LRP1B: variants seen among roughly 807,000 people sequenced by gnomAD.
The protein encoded by LRP1B is LDL receptor related protein 1B.
Under a neutral mutation model 556.6 loss-of-function variants are expected in LRP1B, and 217 were observed. The observed-to-expected ratio is 0.39, with a 90% CI of 0.35 to 0.44. The LOEUF is 0.44. Among genes scored for constraint, LRP1B ranks in the 20% least tolerant of loss-of-function variants. LRP1B has a pLI of 1.00. For missense variants in LRP1B, 5,053 were observed against 5,620.8 expected, an observed-to-expected ratio of 0.90 and a Z score of 3.23; for synonymous variants, 2,047 against 1,865.8, an observed-to-expected ratio of 1.10 and a Z score of -2.50.
At chr2:142,099,883 T>C (rs1234639832) in intron 1 of LRP1B, among the ~76,000 whole-genome samples, 1 of 151,906 alleles carries the variant, frequency 6.6e-6, no homozygotes. Flanking sequence ...ACATCAATGA[T>C]TGGAAAGTTT....
intron 7 of LRP1B, among the ~76,000 whole-genome samples, chr2:141,090,491 G>A (rs937038907): frequency 6.6e-6 from 1 of 152,194 alleles, no homozygotes; most frequent in Non-Finnish European, 1.5e-5. Context: ...ACCGTGACAA[G>A]ATGCTAGCTT....
intron 24 of LRP1B, among the ~76,000 whole-genome samples, chr2:140,884,340 A>G (rs1378708793): frequency 6.6e-6 from 1 of 152,206 alleles, no homozygotes; most frequent in East Asian, 1.9e-4. Flanking sequence ...TTTTTTATAC[A>G]GAGCAAAGGA....
intron 7 of LRP1B, among the ~76,000 whole-genome samples, chr2:141,065,450 A>T (rs1295507843): frequency 2.6e-5 from 4 of 151,944 alleles, no homozygotes; most frequent in Admixed American, 2.0e-4. Context: ...AACATGATAC[A>T]TTGTGTTTAA....
At chr2:141,366,308 C>T (rs897906453) in intron 3 of LRP1B, among the ~76,000 whole-genome samples, 2 of 152,154 alleles carry the variant, frequency 1.3e-5, no homozygotes, top group Non-Finnish European at 2.9e-5. Context: ...ATGACTTATA[C>T]AAAAACACAA....
chr2:140,324,108 T>C, intron 80 of LRP1B, 42 bp from the exon 81 acceptor site: 1 of 1,215,674 alleles, frequency 8.2e-7, no homozygotes, highest in Non-Finnish European at 1.2e-6. Context: ...TTAATGTATA[T>C]ACTCAGACTT....
rs2105359225 is a variant in LRP1B at position 140,994,124 on chromosome 2, C to T, written c.2515G>A (p.Glu839Lys). ...NGTTCTFNPG[E>K]ALPHICKAGE... The stretch of plus-strand genomic sequence containing the variant: ...GCTTTACATATGTGAGGTAGTGCTT[C>T]TCCAGGATTAACTAGAGTTAAAAAA... Residue 839 changes from glutamate to lysine, a missense_variant, in exon 16 of 91, where the codon GAA (glutamate) becomes AAA (lysine). Glu to Lys is a moderately conservative substitution (Grantham distance 56, BLOSUM62 1). Around this residue, in one of 5 missense-constraint regions of LRP1B, gnomAD observed 3,619 missense variants for 3,931.9 expected, o/e 0.92. Coordinates refer to ENST00000389484, the MANE Select transcript of LRP1B (RefSeq NM_018557.3). The T allele has an allele frequency of 6.2e-7, 1 of 1,612,216 alleles. No homozygotes were observed. The highest frequency in any genetic ancestry group is 8.5e-7 in the Non-Finnish European group (1 of 1,178,884).
chr2:141,316,315 C>A (rs1280915821), intron 3 of LRP1B, among the ~76,000 whole-genome samples: 1 of 152,126 alleles, frequency 6.6e-6, no homozygotes, highest in East Asian at 1.9e-4. Context: ...CATTTAACAA[C>A]GTTATTGCAA....
At chr2:140,826,369 T>G (rs1691508529) in intron 31 of LRP1B, among the ~76,000 whole-genome samples, 1 of 152,156 alleles carries the variant, frequency 6.6e-6, no homozygotes, top group Admixed American at 6.5e-5. Flanking sequence ...CCCAAAAATA[T>G]GCATGTTAGG....
intron 1 of LRP1B, among the ~76,000 whole-genome samples, chr2:142,059,925 G>C (rs1374724546): frequency 6.6e-6 from 1 of 152,158 alleles, no homozygotes; most frequent in Admixed American, 6.6e-5. Flanking sequence ...AGTTTATTTA[G>C]AGTGTTGAAT....
intron 1 of LRP1B, among the ~76,000 whole-genome samples, chr2:142,122,003 G>C (rs62155638): frequency 1.3e-5 from 2 of 151,868 alleles, no homozygotes; most frequent in African/African-American, 2.4e-5. Flanking sequence ...TAAAATAATA[G>C]GTATTTATGT....
Position 140,371,333 on chromosome 2 carries a change from G to A in LRP1B, c.10769-48C>T, listed in dbSNP as rs370765514. On this transcript the variant is annotated intron_variant, in intron 69 of 90. Coordinates refer to ENST00000389484, the MANE Select transcript of LRP1B (RefSeq NM_018557.3). ...AATTGAGATAGAGTAAAAATAACAG[G>A]TTTTAGAAATAAAAACATAAACACA... is the stretch of plus-strand genomic sequence containing the variant. 8.6e-5 allele frequency: 87 copies of A among 1,013,560 alleles called. No individual in the cohort carries two copies. The African/African-American group carries it at 1.3e-3, about 15-fold the overall frequency. The allele number at this position is 1,013,560 out of a possible 1,614,324, so 62.8% of individuals were successfully genotyped here.
At chr2:141,323,090 G>A (rs554879213) in intron 3 of LRP1B, among the ~76,000 whole-genome samples, 1 of 151,988 alleles carries the variant, frequency 6.6e-6, no homozygotes. Flanking sequence ...TATTACTACT[G>A]CTGCTGCTGC....
intron 7 of LRP1B, among the ~76,000 whole-genome samples, chr2:141,136,889 G>A (rs977190400): frequency 6.6e-6 from 1 of 151,808 alleles, no homozygotes; most frequent in Non-Finnish European, 1.5e-5. Context: ...AAACCTATGA[G>A]TTAAAAGAAA....
chr2:140,920,222 G>A (rs1365364651), intron 21 of LRP1B, among the ~76,000 whole-genome samples: 2 of 151,972 alleles, frequency 1.3e-5, no homozygotes, highest in Non-Finnish European at 2.9e-5. Flanking sequence ...AACAGATGCG[G>A]CACAATGCAC....
intron 2 of LRP1B, among the ~76,000 whole-genome samples, chr2:141,496,829 T>G (rs1246662707): frequency 3.3e-5 from 5 of 151,828 alleles, no homozygotes. Context: ...TGTGAGAAAT[T>G]ATGAAAAAAG....
intron 1 of LRP1B, among the ~76,000 whole-genome samples, chr2:141,971,337 T>C (rs983891950): frequency 6.6e-6 from 1 of 151,430 alleles, no homozygotes; most frequent in Non-Finnish European, 1.5e-5. Context: ...GAAAAGTTTC[T>C]TATATTATGG....
At chr2:141,823,047 A>G (rs180787989) in intron 1 of LRP1B, among the ~76,000 whole-genome samples, 2 of 152,272 alleles carry the variant, frequency 1.3e-5, no homozygotes, top group East Asian at 3.9e-4. Flanking sequence ...AGTTTTCACC[A>G]TTTTGAAAAA....
intron 6 of LRP1B, among the ~76,000 whole-genome samples, chr2:141,209,613 T>C (rs1342875797): frequency 6.6e-6 from 1 of 152,182 alleles, no homozygotes; most frequent in East Asian, 1.9e-4. Flanking sequence ...TTATATAACA[T>C]GCAAAATTTC....
At chr2:141,806,307 A>G (rs1222241520) in intron 2 of LRP1B, among the ~76,000 whole-genome samples, 1 of 152,058 alleles carries the variant, frequency 6.6e-6, no homozygotes, top group African/African-American at 2.4e-5. Context: ...TATGCTAACA[A>G]CATTGGGTTG....
Sources: gnomAD v4.1 joint callset for allele counts (sites outside exome capture counted in the v4.1 genomes callset) on GRCh38, gnomAD v4.1.1 for gene constraint, gnomAD v4.1.1 regional missense constraint, MANE v1.5 for transcripts, NCBI Gene and HGNC (gene_info 2026-07-23, HGNC 2026-07-21) for gene names.